The following RANBP2 variants were observed in gnomAD, a reference collection of about 807,000 sequenced individuals.
The protein encoded by RANBP2 is E3 SUMO-protein ligase RanBP2.
In RANBP2, 57 loss-of-function variants were observed where a neutral mutation model predicts 303.6. That is an observed-to-expected ratio of 0.19 (90% CI 0.15 to 0.23). RANBP2 has a LOEUF of 0.23. Among genes scored for constraint, RANBP2 ranks in the 10% least tolerant of loss-of-function variants. RANBP2 has a pLI of 1.00. For missense variants in RANBP2, 3,138 were observed against 3,780.8 expected, an observed-to-expected ratio of 0.83 and a Z score of 4.46; for synonymous variants, 1,167 against 1,301.5, an observed-to-expected ratio of 0.90 and a Z score of 2.23.
At chr2:109,723,405 C>T in the RANBP2 span, among the ~76,000 whole-genome samples, 5 of 152,142 alleles carry the variant, frequency 3.3e-5, no homozygotes, top group African/African-American at 1.2e-4. Context: ...CAGCTTTGGC[C>T]CCCCAAAGTG....
At chr2:109,545,149 G>A in the RANBP2 span, 2 of 985,328 alleles carry the variant, frequency 2.0e-6, no homozygotes, top group East Asian at 1.1e-4. Flanking sequence ...GGGAACATGG[G>A]AGCATGCAAC....
At chr2:109,237,745 G>A in the RANBP2 span, among the ~76,000 whole-genome samples, 2 of 152,114 alleles carry the variant, frequency 1.3e-5, no homozygotes, top group Non-Finnish European at 2.9e-5. Context: ...TTGATTTAGC[G>A]ATGACATCTG....
the RANBP2 span, among the ~76,000 whole-genome samples, chr2:109,281,606 G>A: frequency 6.6e-6 from 1 of 152,188 alleles, no homozygotes; most frequent in Non-Finnish European, 1.5e-5. Context: ...CTCCAGGTCT[G>A]CTGTTTGGTA....
intron 1 of RANBP2, among the ~76,000 whole-genome samples, chr2:108,720,989 C>T (rs1489250655): frequency 2.0e-5 from 3 of 152,070 alleles, no homozygotes; most frequent in East Asian, 1.9e-4. Context: ...GCGGAGGTTC[C>T]AGTGAGCCGA....
Position 108,775,959 on chromosome 2 carries a change from C to T in RANBP2, c.8497+23C>T, listed in dbSNP as rs761483345. On this transcript the variant is annotated intron_variant, in intron 24 of 28. Coordinates refer to ENST00000283195, the MANE Select transcript of RANBP2 (RefSeq NM_006267.5). Reference sequence around the variant, plus strand: ...AAGGTAAATCTTGATATATGTTTATCATGTGTTACATAAGGGACACCTTAT... The same window carrying T: ...AAGGTAAATCTTGATATATGTTTATTATGTGTTACATAAGGGACACCTTAT... 3.2e-6 allele frequency: 5 copies of T among 1,579,064 alleles called. No homozygotes were observed. The East Asian group carries it at 1.1e-4, about 36-fold the overall frequency.
At chr2:109,155,835 C>G in the RANBP2 span, among the ~76,000 whole-genome samples, 1 of 152,186 alleles carries the variant, frequency 6.6e-6, no homozygotes, top group Non-Finnish European at 1.5e-5. Flanking sequence ...AGGTGGTCAG[C>G]CTTCAAACTG....
the RANBP2 span, among the ~76,000 whole-genome samples, chr2:109,130,560 C>A: frequency 1.3e-5 from 2 of 152,076 alleles, no homozygotes; most frequent in African/African-American, 4.8e-5. Context: ...GGGCCTCCTG[C>A]CTGCGGTGTG....
the RANBP2 span, among the ~76,000 whole-genome samples, chr2:109,748,649 G>T: frequency 7.2e-6 from 1 of 139,520 alleles, no homozygotes; most frequent in Non-Finnish European, 1.6e-5. Context: ...GAGGCGGGCG[G>T]ATTACCTGAG....
the RANBP2 span, among the ~76,000 whole-genome samples, chr2:108,976,776 C>G: frequency 6.6e-6 from 1 of 152,086 alleles, no homozygotes; most frequent in East Asian, 1.9e-4. Flanking sequence ...GTTTGTGTGT[C>G]CCTTAGACAT....
chr2:109,016,683 A>G, the RANBP2 span, among the ~76,000 whole-genome samples: 1 of 152,150 alleles, frequency 6.6e-6, no homozygotes, highest in African/African-American at 2.4e-5. Flanking sequence ...GATTGGCCCT[A>G]CCTGCTGCCC....
chr2:108,782,028 C>T, intron 26 of RANBP2, 100 bp from the exon 27 acceptor site: 1 of 1,340,146 alleles, frequency 7.5e-7, no homozygotes, highest in African/African-American at 1.5e-5. Flanking sequence ...TTCTCTTTGT[C>T]ATCACAAAGA....
the RANBP2 span, among the ~76,000 whole-genome samples, chr2:108,837,502 A>G: frequency 6.6e-6 from 1 of 152,190 alleles, no homozygotes; most frequent in Non-Finnish European, 1.5e-5. Flanking sequence ...TGGAGCAAAG[A>G]AAAAAAGAAT....
At chr2:109,371,615 G>A in the RANBP2 span, 2 of 1,613,922 alleles carry the variant, frequency 1.2e-6, no homozygotes, top group Admixed American at 3.3e-5. Flanking sequence ...TCAGGAGAGT[G>A]GATGAGAACT....
the RANBP2 span, chr2:108,857,104 G>A: frequency 1.3e-3 from 552 of 427,644 alleles, 1 homozygote; most frequent in Middle Eastern, 3.9e-3. Flanking sequence ...TTTTGAGATG[G>A]AGTCTCGCTT....
At chr2:109,659,731 G>T in the RANBP2 span, among the ~76,000 whole-genome samples, 1 of 152,224 alleles carries the variant, frequency 6.6e-6, no homozygotes, top group African/African-American at 2.4e-5. Context: ...CTCTGAGGGG[G>T]CCGCGGGGCC....
the RANBP2 span, among the ~76,000 whole-genome samples, chr2:109,734,995 T>A: frequency 6.6e-6 from 1 of 152,184 alleles, no homozygotes; most frequent in South Asian, 2.1e-4. Context: ...ACATTTATAA[T>A]TTCTTTGTGG....
At chr2:108,953,117 T>C in the RANBP2 span, among the ~76,000 whole-genome samples, 63 of 152,358 alleles carry the variant, frequency 4.1e-4, no homozygotes, top group Non-Finnish European at 6.0e-4. Context: ...CCTCAAGCAT[T>C]TATCCTTTGT....
chr2:109,100,280 G>T, the RANBP2 span, among the ~76,000 whole-genome samples: 1 of 152,182 alleles, frequency 6.6e-6, no homozygotes, highest in Non-Finnish European at 1.5e-5. Context: ...CCTGAGGTCT[G>T]CCTCCTGTTA....
At chr2:109,520,303 C>T in the RANBP2 span, among the ~76,000 whole-genome samples, 1 of 152,106 alleles carries the variant, frequency 6.6e-6, no homozygotes, top group Non-Finnish European at 1.5e-5. Flanking sequence ...AAGAGCTCTG[C>T]TTAAGAATTA....
Sources: gnomAD v4.1 joint callset for allele counts (sites outside exome capture counted in the v4.1 genomes callset) on GRCh38, gnomAD v4.1.1 for gene constraint, MANE v1.5 for transcripts, NCBI Gene and HGNC (gene_info 2026-07-23, HGNC 2026-07-21) for gene names.